MAGI3: variants seen among roughly 807,000 people sequenced by gnomAD.
MAGI3 encodes membrane-associated guanylate kinase, WW and PDZ domain-containing protein 3.
MAGI3 carries 43 observed loss-of-function variants against 121.8 expected under a neutral mutation model. The ratio of observed to expected loss-of-function variants is 0.35; its 90% CI spans 0.28 to 0.46. MAGI3 has a LOEUF of 0.46. Ranked by LOEUF, MAGI3 falls within the 20% of genes least tolerant of loss-of-function variation. The probability of loss-of-function intolerance (pLI) is 1.00; values close to 1 mark genes in which losing one functional copy is unlikely to be tolerated. For missense variants in MAGI3, 1,547 were observed against 1,797.3 expected, an observed-to-expected ratio of 0.86 and a Z score of 2.52; for synonymous variants, 553 against 639.3, an observed-to-expected ratio of 0.86 and a Z score of 2.04.
At chr1:113,487,344 A>T (rs1037618514) in intron 1 of MAGI3, among the ~76,000 whole-genome samples, 4 of 152,242 alleles carry the variant, frequency 2.6e-5, no homozygotes, top group Non-Finnish European at 5.9e-5. Context: ...ATACTTGTTA[A>T]CAGAAATCCA....
At chr1:113,469,511 GTCTT>G (rs1655442691) in intron 1 of MAGI3, among the ~76,000 whole-genome samples, 1 of 151,500 alleles carries the variant, frequency 6.6e-6, no homozygotes, top group Admixed American at 6.6e-5. Flanking sequence ...AGCAAGCAAA[GTCTT>G]TTTTTTTTTC....
Position 113,423,748 on chromosome 1 carries a change from C to G in MAGI3, c.316+32399C>G, listed in dbSNP as rs557008351. ...GCAGCCCGGCCTCCAGGCTTCAGGC[C>G]TTCCCTTGCTTGAAGGTGAGGTTTC... is the stretch of plus-strand genomic sequence containing the variant. On this transcript the variant is annotated intron_variant, in intron 1 of 20. Coordinates refer to ENST00000307546, the MANE Select transcript of MAGI3 (RefSeq NM_001142782.2). 7.9e-5 allele frequency among the ~76,000 whole-genome samples: 12 copies of G among 152,330 alleles called. No homozygotes were observed. The South Asian group carries it at 2.5e-3, about 32-fold the overall frequency.
chr1:113,515,283 T>A (rs1480263202), intron 1 of MAGI3, among the ~76,000 whole-genome samples: 1 of 152,118 alleles, frequency 6.6e-6, no homozygotes, highest in Non-Finnish European at 1.5e-5. Flanking sequence ...TGATTTGACA[T>A]TTGTTGTATT....
chr1:113,539,720 T>C (rs550893459), intron 1 of MAGI3, among the ~76,000 whole-genome samples: 132 of 152,270 alleles, frequency 8.7e-4, no homozygotes, highest in African/African-American at 3.2e-3. Flanking sequence ...TATTTTATTT[T>C]GTAACTTGCT....
chr1:113,397,034 A>G (rs1308539504), intron 1 of MAGI3, among the ~76,000 whole-genome samples: 1 of 152,146 alleles, frequency 6.6e-6, no homozygotes, highest in African/African-American at 2.4e-5. Flanking sequence ...TATAAGCAAA[A>G]CTGTCTTTTC....
chr1:113,421,886 GT>G (rs1652751250), intron 1 of MAGI3, among the ~76,000 whole-genome samples: 4 of 150,970 alleles, frequency 2.6e-5, no homozygotes, highest in African/African-American at 9.8e-5. Context: ...ATCTATATGT[GT>G]TTGGATTTGG....
intron 8 of MAGI3, among the ~76,000 whole-genome samples, chr1:113,620,399 T>C (rs1297722215): frequency 6.6e-6 from 1 of 152,136 alleles, no homozygotes; most frequent in African/African-American, 2.4e-5. Flanking sequence ...AGTTCTTACA[T>C]TCTACTTATC....
chr1:113,416,749 G>T (rs1056990326), intron 1 of MAGI3, among the ~76,000 whole-genome samples: 2 of 151,438 alleles, frequency 1.3e-5, no homozygotes, highest in South Asian at 4.2e-4. Context: ...AGGTTTGGTT[G>T]CAATGATGAT....
intron 19 of MAGI3, among the ~76,000 whole-genome samples, chr1:113,676,095 T>A (rs1647851609): frequency 6.6e-6 from 1 of 150,970 alleles, no homozygotes; most frequent in Admixed American, 6.6e-5. Context: ...CACAACCTAT[T>A]CAGTTACTTT....
At chr1:113,399,897 TAAAAC>T (rs1343903092) in intron 1 of MAGI3, among the ~76,000 whole-genome samples, 1 of 152,164 alleles carries the variant, frequency 6.6e-6, no homozygotes, top group Admixed American at 6.5e-5. Flanking sequence ...GTTTTGCTTT[TAAAAC>T]AATGGTCTTT....
At chr1:113,568,115 A>G (rs1483359613) in intron 2 of MAGI3, among the ~76,000 whole-genome samples, 6 of 152,062 alleles carry the variant, frequency 3.9e-5, no homozygotes, top group Non-Finnish European at 7.4e-5. Flanking sequence ...GAGGACTACA[A>G]AGAGGCCCAA....
At chr1:113,483,842 A>C (rs555722419) in intron 1 of MAGI3, among the ~76,000 whole-genome samples, 1 of 152,116 alleles carries the variant, frequency 6.6e-6, no homozygotes, top group Admixed American at 6.5e-5. Context: ...AGTGTGTCTT[A>C]ATTATTATTT....
chr1:113,598,229 CT>C (rs1230528213), intron 6 of MAGI3, among the ~76,000 whole-genome samples: 22 of 150,924 alleles, frequency 1.5e-4, no homozygotes, highest in Non-Finnish European at 2.4e-4. Flanking sequence ...CCCACCCCCC[CT>C]CCAAAAAAAA....
chr1:113,603,962 G>C (rs540947002), intron 6 of MAGI3, among the ~76,000 whole-genome samples: 3 of 152,268 alleles, frequency 2.0e-5, no homozygotes, highest in Admixed American at 1.3e-4. Flanking sequence ...ATTCCAGCCA[G>C]AGTAATAAGT....
intron 1 of MAGI3, among the ~76,000 whole-genome samples, chr1:113,467,385 T>C (rs1655341517): frequency 6.6e-6 from 1 of 152,168 alleles, no homozygotes; most frequent in South Asian, 2.1e-4. Context: ...CTGGAGAATG[T>C]TCCATGTGCT....
chr1:113,520,535 C>T (rs1037500344), intron 1 of MAGI3, among the ~76,000 whole-genome samples: 1 of 151,962 alleles, frequency 6.6e-6, no homozygotes, highest in Non-Finnish European at 1.5e-5. Context: ...GTATATTCCA[C>T]GGACACTGCT....
chr1:113,477,005 G>T (rs879303991), intron 1 of MAGI3, among the ~76,000 whole-genome samples: 1 of 151,188 alleles, frequency 6.6e-6, no homozygotes, highest in Non-Finnish European at 1.5e-5. Flanking sequence ...TTTGATCTTT[G>T]CTGGTTTAAA....
chr1:113,402,529 C>A (rs1416761158), intron 1 of MAGI3, among the ~76,000 whole-genome samples: 1 of 152,012 alleles, frequency 6.6e-6, no homozygotes, highest in Non-Finnish European at 1.5e-5. Flanking sequence ...TGAATAGTTC[C>A]TGCTATATGG....
chr1:113,425,899 C>T (rs1652984873), intron 1 of MAGI3, among the ~76,000 whole-genome samples: 2 of 151,848 alleles, frequency 1.3e-5, no homozygotes, highest in African/African-American at 4.8e-5. Flanking sequence ...TTTTTATTTC[C>T]AATATCATTC....
Sources: gnomAD v4.1 joint callset for allele counts (sites outside exome capture counted in the v4.1 genomes callset) on GRCh38, gnomAD v4.1.1 for gene constraint, MANE v1.5 for transcripts, NCBI Gene and HGNC (gene_info 2026-07-23, HGNC 2026-07-21) for gene names.